Variants in ZNF483 observed in about 807,000 individuals in gnomAD.
The protein encoded by ZNF483 is zinc finger protein HIT-10.
A neutral mutation model predicts 28.6 loss-of-function variants in ZNF483; 9 were observed. The observed-to-expected ratio is 0.32, with a 90% CI of 0.19 to 0.55. ZNF483 has a LOEUF of 0.55. ZNF483 is among the 20% of genes least tolerant of loss of function. The pLI, the probability that ZNF483 is intolerant of heterozygous loss-of-function variation, is 0.93. For missense variants in ZNF483, 675 were observed against 871.7 expected (o/e 0.77, Z 2.84); for synonymous variants, 322 against 306.2 (o/e 1.05, Z -0.54).
At chr9:111,569,815 T>C in intron 5 of ZNF483, 3 of 419,534 alleles carry the variant, frequency 7.2e-6, no homozygotes, top group South Asian at 2.3e-5. Flanking sequence ...TGGCAGACAG[T>C]GAGTGTAGAC....
At chr9:111,575,174 C>T (rs1424004040) in intron 5 of ZNF483, among the ~76,000 whole-genome samples, 1 of 152,110 alleles carries the variant, frequency 6.6e-6, no homozygotes, top group East Asian at 1.9e-4. Context: ...TGGTGGTGGG[C>T]ACCCATAATC....
chr9:111,528,945 A>G (rs1031944632), intron 2 of ZNF483, among the ~76,000 whole-genome samples: 10 of 152,116 alleles, frequency 6.6e-5, no homozygotes, highest in African/African-American at 2.4e-4. Flanking sequence ...CAGGAGTTTG[A>G]GACCAGCCAT....
In ZNF483 at chr9:111,548,598, C is replaced by T. The variant is rs1309623619; in HGVS notation, c.*5428C>T. Among the ~76,000 whole-genome samples, 1 of 152,122 alleles carries T rather than the reference C, an allele frequency of 6.6e-6. No homozygotes were observed. The highest frequency in any genetic ancestry group is 1.9e-4 in the East Asian group (1 of 5,198). ...CCTAATTTGGATGGCTTTAACTTGC[C>T]AATGGCTCTAGCTAGGACTTCCAGT... is the stretch of plus-strand genomic sequence containing the variant. On this transcript the variant is annotated 3_prime_UTR_variant, in exon 6 of 6. Coordinates refer to ENST00000309235, the MANE Select transcript of ZNF483 (RefSeq NM_133464.5).
rs143231263 is a variant in ZNF483, at chr9:111,543,765, CT to C, written c.*605del. On this transcript the variant is annotated 3_prime_UTR_variant, in exon 6 of 6. Transcript: ENST00000309235. ...CTATTCAGGATGCTGGACTTCTTTT[CT>C]TTTTTTTTTCTTTTTTTTTTTTCAA... is the stretch of plus-strand genomic sequence containing the variant. 85,648 of 749,798 alleles carry C rather than the reference CT, an allele frequency of 0.11. 3,278 individuals are homozygous for C. Among genetic ancestry groups the C allele is most frequent in the East Asian group, 0.36 (2,077 of 5,706 alleles). The allele number at this position is 749,798 out of a possible 1,614,324, so 46.4% of individuals were successfully genotyped here.
In ZNF483 at chr9:111,534,277, A is replaced by C. The variant is rs1482394427; in HGVS notation, c.645A>C (p.Lys215Asn). The C allele has an allele frequency of 6.2e-7, 1 of 1,614,022 alleles. No individual in the cohort carries two copies. ...NLEFLDFPVS[K>N]LELISQLKWV... The stretch of plus-strand genomic sequence containing the variant: ...TATGAGCAGACTTTCCAGTTTCAAA[A>C]TTAGAGTTGATTTCCCAGCTAAAGT... Residue 215 changes from lysine to asparagine, a missense_variant, in exon 5 of 6, where the codon AAA (lysine) becomes AAC (asparagine). By Grantham distance (94) the Lys-to-Asn change is moderately conservative. Around this residue, in one of 6 missense-constraint regions of ZNF483, gnomAD observed 525 missense variants for 581.8 expected, o/e 0.90. Transcript: ENST00000309235.
Position 111,570,684 on chromosome 9 carries a change from C to A in ZNF483, c.722-5681C>A, listed in dbSNP as rs144306709. On this transcript the variant is annotated intron_variant, in intron 5 of 5. Transcript: ENST00000358151. The stretch of plus-strand genomic sequence containing the variant: ...GTCCCAGCTACTTGGGAGGCTGAGG[C>A]AGGAGAATTGCTTGAACCCGACAGG... Among the ~76,000 whole-genome samples the A allele has an allele frequency of 2.3e-3, 351 of 151,828 alleles. 2 individuals carry two copies. The highest frequency in any genetic ancestry group is 8.3e-3 in the African/African-American group (345 of 41,400).
At chr9:111,528,121 C>A in intron 2 of ZNF483, 1 of 1,142,182 alleles carries the variant, frequency 8.8e-7, no homozygotes, top group Non-Finnish European at 1.2e-6. Flanking sequence ...TTCAAGAACA[C>A]AAGTTATCTG....
intron 5 of ZNF483, among the ~76,000 whole-genome samples, chr9:111,562,276 CTTTT>C (rs35900341): frequency 7.1e-6 from 1 of 140,494 alleles, no homozygotes; most frequent in Non-Finnish European, 1.5e-5. Context: ...AAGCAGTAAA[CTTTT>C]TTTTTTTTTT....
At chr9:111,528,450 CTG>C (rs1399156878) in intron 2 of ZNF483, among the ~76,000 whole-genome samples, 1 of 152,114 alleles carries the variant, frequency 6.6e-6, no homozygotes, top group Non-Finnish European at 1.5e-5. Flanking sequence ...AAACTATAAA[CTG>C]AATTACGGTG....
At chr9:111,576,464 G>A (rs752094570) in exon 6 of ZNF483, 67 of 1,612,934 alleles carry the variant, frequency 4.2e-5, no homozygotes, top group Non-Finnish European at 5.6e-5. Context: ...ATGACCAGAG[G>A]ATGGGGCCAC....
intron 5 of ZNF483, among the ~76,000 whole-genome samples, chr9:111,565,386 T>C (rs1828512443): frequency 6.6e-6 from 1 of 152,212 alleles, no homozygotes; most frequent in South Asian, 2.1e-4. Flanking sequence ...TGTGGTACTT[T>C]ATTTTGGTAG....
At chr9:111,558,304 C>T (rs1828182522), downstream of ZNF483, among the ~76,000 whole-genome samples, 1 of 152,116 alleles carries the variant, frequency 6.6e-6, no homozygotes, top group Non-Finnish European at 1.5e-5. Context: ...CATGATTTGT[C>T]TAGTGGGAGC....
At chr9:111,574,619 AAG>A in intron 5 of ZNF483, 12 of 727,084 alleles carry the variant, frequency 1.7e-5, no homozygotes, top group South Asian at 9.1e-5. Context: ...AAAAAAAAAA[AAG>A]AATATATGAA....
intron 5 of ZNF483, among the ~76,000 whole-genome samples, chr9:111,567,626 G>A (rs936629771): frequency 4.6e-5 from 7 of 152,182 alleles, no homozygotes; most frequent in Non-Finnish European, 8.8e-5. Flanking sequence ...GTCAGATTTT[G>A]TGTAAGCTTA....
chr9:111,531,077 C>T (rs1827333745), intron 3 of ZNF483, 114 bp downstream of exon 3: 1 of 312,966 alleles, frequency 3.2e-6, no homozygotes, highest in Admixed American at 4.1e-5. Context: ...ACCTGTAATC[C>T]CAGCACTTTG....
chr9:111,557,367 C>T (rs1828154164), downstream of ZNF483, among the ~76,000 whole-genome samples: 1 of 150,014 alleles, frequency 6.7e-6, no homozygotes, highest in Non-Finnish European at 1.5e-5. Flanking sequence ...GATCGAGACT[C>T]CATCTCCAGT....
chr9:111,543,913 C>A lies in ZNF483; in HGVS notation c.*743C>A. 1 of 985,114 alleles carries A rather than the reference C, an allele frequency of 1.0e-6. No homozygotes were observed. The highest frequency in any genetic ancestry group is 1.2e-6 in the Non-Finnish European group (1 of 829,888). The allele number at this position is 985,114 out of a possible 1,614,324, so 61.0% of individuals were successfully genotyped here. ...GACATTACGGGTACACTCCATCAAG[C>A]CTGGTTCCTAGGATGCTGGACTTCT... On this transcript the variant is annotated 3_prime_UTR_variant, in exon 6 of 6. Coordinates refer to ENST00000309235, the MANE Select transcript of ZNF483 (RefSeq NM_133464.5).
At chr9:111,561,104 T>TAGAGAGAGAG (rs1465441902) in intron 5 of ZNF483, among the ~76,000 whole-genome samples, 11 of 26,382 alleles carry the variant, frequency 4.2e-4, no homozygotes, top group Non-Finnish European at 6.9e-4. Flanking sequence ...TATATATATA[T>TAGAGAGAGAG]ATATATAGAG....
downstream of ZNF483, among the ~76,000 whole-genome samples, chr9:111,557,969 A>G (rs1326970499): frequency 6.6e-6 from 1 of 152,140 alleles, no homozygotes; most frequent in East Asian, 1.9e-4. Flanking sequence ...CAAAATAGTG[A>G]AACTCTGTCT....
Sources: allele counts gnomAD v4.1 joint callset (sites outside exome capture counted in the v4.1 genomes callset), GRCh38; gene constraint gnomAD v4.1.1; regional missense constraint gnomAD v4.1.1; transcripts MANE v1.5; gene names NCBI Gene and HGNC (gene_info 2026-07-23, HGNC 2026-07-21).